Variants in ZNF589 observed in about 807,000 individuals in gnomAD.
ZNF589 encodes the protein zinc finger protein 589.
ZNF589 carries 17 observed loss-of-function variants against 13.6 expected under a neutral mutation model. The ratio of observed to expected loss-of-function variants is 1.25; its 90% CI spans 0.86 to 1.88. ZNF589 has a LOEUF of 1.88. Ranked by LOEUF, ZNF589 falls within the 40% of genes most tolerant of loss-of-function variation. The pLI is 0.00. For missense variants in ZNF589, 407 were observed against 434.0 expected (o/e 0.94, Z 0.55); for synonymous variants, 148 against 161.6 (o/e 0.92, Z 0.64).
chr3:48,256,302 T>C, intron 2 of ZNF589: 1 of 459,228 alleles, frequency 2.2e-6, no homozygotes, highest in South Asian at 1.7e-5. Flanking sequence ...CGCCTCCTAC[T>C]CCACAGCGCA....
At chr3:48,250,309 T>TC (rs1282266399) in intron 2 of ZNF589, among the ~76,000 whole-genome samples, 2 of 144,164 alleles carry the variant, frequency 1.4e-5, no homozygotes, top group African/African-American at 5.2e-5. Flanking sequence ...CTACTTTCTT[T>TC]TTTTTTTTTT....
intron 1 of ZNF589, among the ~76,000 whole-genome samples, chr3:48,246,724 A>C (rs1004569909): frequency 6.6e-6 from 1 of 151,992 alleles, no homozygotes; most frequent in African/African-American, 2.4e-5. Context: ...GCCGGAGTGC[A>C]GTGGTGCGAT....
intron 1 of ZNF589, 48 bp downstream of exon 1, chr3:48,241,262 CA>C (rs1559978305): frequency 1.2e-6 from 2 of 1,601,386 alleles, no homozygotes; most frequent in Non-Finnish European, 1.7e-6. Flanking sequence ...GCTCCAGCCG[CA>C]GGCGCCGCGC....
intron 3 of ZNF589, among the ~76,000 whole-genome samples, chr3:48,266,187 C>T (rs1447788132): frequency 6.6e-6 from 1 of 152,076 alleles, no homozygotes; most frequent in Non-Finnish European, 1.5e-5. Flanking sequence ...GAAAAGAAGC[C>T]AGTGAGAATT....
At chr3:48,251,226 G>A (rs755113133) in intron 2 of ZNF589, among the ~76,000 whole-genome samples, 2 of 152,160 alleles carry the variant, frequency 1.3e-5, no homozygotes, top group Non-Finnish European at 2.9e-5. Context: ...GCCTTGAGCA[G>A]AGGAACCTAT....
At chr3:48,256,450 G>A (rs559523667) in intron 2 of ZNF589, 8 of 562,618 alleles carry the variant, frequency 1.4e-5, no homozygotes, top group Admixed American at 9.7e-5. Flanking sequence ...GCCTTTTTTT[G>A]TAGATGGGCA....
chr3:48,254,514 A>G (rs1408453691), intron 2 of ZNF589, among the ~76,000 whole-genome samples: 1 of 152,170 alleles, frequency 6.6e-6, no homozygotes, highest in African/African-American at 2.4e-5. Context: ...TAGCTTGCTG[A>G]GTTTTTGACT....
At chr3:48,266,089 C>T (rs1225500331) in intron 3 of ZNF589, among the ~76,000 whole-genome samples, 1 of 152,130 alleles carries the variant, frequency 6.6e-6, no homozygotes, top group Non-Finnish European at 1.5e-5. Context: ...CCTAAATACT[C>T]TAAATACACC....
At chr3:48,248,770 A>C (rs1188453429) in intron 2 of ZNF589, among the ~76,000 whole-genome samples, 1 of 152,236 alleles carries the variant, frequency 6.6e-6, no homozygotes, top group African/African-American at 2.4e-5. Flanking sequence ...ACAGGGAAAG[A>C]CTAAGTGTTA....
intron 1 of ZNF589, 38 bp downstream of exon 1, chr3:48,241,252 G>T (rs753429549): frequency 1.6e-5 from 26 of 1,604,156 alleles, no homozygotes; most frequent in Non-Finnish European, 2.1e-5. Context: ...CCCATTCGGT[G>T]CTCCAGCCGC....
chr3:48,269,852 CCTT>C lies in ZNF589; in HGVS notation c.*1068_*1070del, dbSNP rs1019711044. On this transcript the variant is annotated 3_prime_UTR_variant, in exon 4 of 4. Transcript: ENST00000354698. ...TGTCAGAGGACACACTCGGGAGAAA[CCTT>C]CATGGAGTGAGAGTAAGGTGTTGGC... The C allele has an allele frequency of 5.5e-6, 2 of 364,128 alleles. No homozygotes were observed. The highest frequency in any genetic ancestry group is 3.7e-5 in the Admixed American group (1 of 27,076). The allele number at this position is 364,128 out of a possible 1,614,324, so 22.6% of individuals were successfully genotyped here.
Position 48,269,264 on chromosome 3 carries a change from G to GAA in ZNF589, c.*481_*482dup. ...CAGACACCAGAGGACACACACAGGA[G>GAA]AAAAGCCTTATGTCTGCGGAGAGTG... On this transcript the variant is annotated 3_prime_UTR_variant, in exon 4 of 4. Coordinates refer to ENST00000354698, the MANE Select transcript of ZNF589 (RefSeq NM_016089.3). The GAA allele has an allele frequency of 1.3e-6, 2 of 1,556,350 alleles. No individual in the cohort carries two copies. The highest frequency in any genetic ancestry group is 2.2e-5 in the South Asian group (2 of 89,616).
In ZNF589 at chr3:48,249,925, C is replaced by G. The variant is rs147111120; in HGVS notation, c.96+2248C>G. Among the ~76,000 whole-genome samples, 316 of 152,226 alleles carry G rather than the reference C, an allele frequency of 2.1e-3. No individual in the cohort carries two copies. The Middle Eastern group carries it at 0.034, about 16-fold the overall frequency. On this transcript the variant is annotated intron_variant, in intron 2 of 3. Coordinates refer to ENST00000354698, the MANE Select transcript of ZNF589 (RefSeq NM_016089.3). ...GGCGAATCACCTGAGGTCAGTAGTTCGAGACCAACCTGGCCAACATGGTGA... is the reference window on the plus strand; with the variant it reads ...GGCGAATCACCTGAGGTCAGTAGTTGGAGACCAACCTGGCCAACATGGTGA...
chr3:48,254,936 C>G (rs759928947), intron 2 of ZNF589, among the ~76,000 whole-genome samples: 49 of 152,024 alleles, frequency 3.2e-4, no homozygotes, highest in Non-Finnish European at 5.3e-4. Flanking sequence ...ACAAAGACAG[C>G]TTTACTTCTT....
chr3:48,242,995 C>A (rs1575290221), intron 1 of ZNF589, among the ~76,000 whole-genome samples: 1 of 151,804 alleles, frequency 6.6e-6, no homozygotes, highest in African/African-American at 2.4e-5. Flanking sequence ...ATTGCTTGAA[C>A]CTTGGAGGCA....
At chr3:48,253,549 G>GAGTGC (rs1211432794) in intron 2 of ZNF589, among the ~76,000 whole-genome samples, 1 of 147,704 alleles carries the variant, frequency 6.8e-6, no homozygotes, top group Non-Finnish European at 1.5e-5. Flanking sequence ...GCCCAGGCTG[G>GAGTGC]AGTGCAGTGG....
rs1249764917 is a variant in ZNF589, at chr3:48,243,365, T to G, written c.43+2151T>G. ...AACAGGTGGCAGGCTGGATTTGGCT[T>G]GTGTGTAGTTTGCCAAGCCATTGTT... On this transcript the variant is annotated intron_variant, in intron 1 of 3. Transcript: ENST00000354698. Among the ~76,000 whole-genome samples, 4 of 152,212 alleles carry G rather than the reference T, an allele frequency of 2.6e-5. No homozygotes were observed. In the East Asian group the frequency reaches 7.7e-4, roughly 29 times the overall value.
rs112143686 is a variant in ZNF589, at chr3:48,252,202, T to A, written c.96+4525T>A. On this transcript the variant is annotated intron_variant, in intron 2 of 3. Coordinates refer to ENST00000354698, the MANE Select transcript of ZNF589 (RefSeq NM_016089.3). ...CTTAAATTTTATTATTATTATTATT[T>A]TTTTTTTGAGACAGATTCTCGCTCT... Among the ~76,000 whole-genome samples the A allele has an allele frequency of 3.5e-3, 528 of 151,960 alleles. 4 individuals carry two copies. Among genetic ancestry groups the A allele is most frequent in the Middle Eastern group, 0.01 (3 of 294 alleles).
chr3:48,252,075 C>T (rs1237816528), intron 2 of ZNF589, among the ~76,000 whole-genome samples: 4 of 151,846 alleles, frequency 2.6e-5, no homozygotes, highest in African/African-American at 7.3e-5. Flanking sequence ...TCTGTTTTCT[C>T]GGTGCTCTGT....
Sources: gnomAD v4.1 joint callset for allele counts (sites outside exome capture counted in the v4.1 genomes callset) on GRCh38, gnomAD v4.1.1 for gene constraint, MANE v1.5 for transcripts, NCBI Gene and HGNC (gene_info 2026-07-23, HGNC 2026-07-21) for gene names.